The following TMEM238L variants were observed in gnomAD, a reference collection of about 807,000 sequenced individuals.
TMEM238L encodes transmembrane protein 238 like.
chr17:10,800,358 G>A (rs1904700611), intron 1 of TMEM238L, among the ~76,000 whole-genome samples: 1 of 152,194 alleles, frequency 6.6e-6, no homozygotes, highest in Non-Finnish European at 1.5e-5. Flanking sequence ...ACACGAATCT[G>A]TCACTCTGGG....
At chr17:10,800,017 C>T (rs1465445149) in intron 1 of TMEM238L, among the ~76,000 whole-genome samples, 1 of 151,848 alleles carries the variant, frequency 6.6e-6, no homozygotes, top group Non-Finnish European at 1.5e-5. Context: ...CTGCAAGCTC[C>T]GCCTCCCGGG....
intron 1 of TMEM238L, among the ~76,000 whole-genome samples, chr17:10,797,572 G>C (rs76755975): frequency 6.6e-6 from 1 of 151,864 alleles, no homozygotes; most frequent in East Asian, 1.9e-4. Context: ...AGTTCTGCTC[G>C]TATACGATTT....
chr17:10,797,788 G>A (rs1191305078), intron 1 of TMEM238L: 1 of 152,138 alleles, frequency 6.6e-6, no homozygotes, highest in Non-Finnish European at 1.5e-5. Context: ...CATCATTTCA[G>A]CTTGAACCCT....
intron 1 of TMEM238L, among the ~76,000 whole-genome samples, chr17:10,799,858 G>A (rs1904678592): frequency 6.6e-6 from 1 of 152,034 alleles, no homozygotes; most frequent in Admixed American, 6.5e-5. Flanking sequence ...CCCTCACTCT[G>A]CCCCTCACCC....
intron 1 of TMEM238L, among the ~76,000 whole-genome samples, chr17:10,800,045 C>T (rs1904688289): frequency 1.3e-5 from 2 of 152,072 alleles, no homozygotes; most frequent in Admixed American, 1.3e-4. Context: ...CATTCTCCTG[C>T]CTCAGCCTCC....
chr17:10,795,582 T>C (rs181499789), exon 2 of TMEM238L: 9 of 152,386 alleles, frequency 5.9e-5, no homozygotes, highest in Admixed American at 3.3e-4. Flanking sequence ...ATTAGGACTT[T>C]GGTGCTTGTG....
rs1308627566 is a variant in TMEM238L at position 10,799,239 on chromosome 17, C to T, written c.*119-3291G>A. ...GGGGGATGGAGTCTTGCTCTGCCGCCCAGGCTGGAGTGCAGTGGCACGATC... is the reference window on the plus strand; with the variant it reads ...GGGGGATGGAGTCTTGCTCTGCCGCTCAGGCTGGAGTGCAGTGGCACGATC... On this transcript the variant is annotated intron_variant, in intron 1 of 1. Transcript: ENST00000581851. Among the ~76,000 whole-genome samples the T allele has an allele frequency of 2.0e-5, 3 of 152,302 alleles. No individual in the cohort carries two copies. In the East Asian group the frequency reaches 5.8e-4, roughly 29 times the overall value.
intron 1 of TMEM238L, among the ~76,000 whole-genome samples, chr17:10,798,297 T>G (rs1415133191): frequency 6.6e-6 from 1 of 152,158 alleles, no homozygotes; most frequent in Non-Finnish European, 1.5e-5. Context: ...TTGGAAACTT[T>G]GTGAAGTATC....
chr17:10,798,064 T>C (rs2151521941), intron 1 of TMEM238L: 1 of 152,224 alleles, frequency 6.6e-6, no homozygotes, highest in South Asian at 2.1e-4. Context: ...GACACCCTAA[T>C]TCTTTCATTT....
chr17:10,798,733 G>T (rs1159326491), intron 1 of TMEM238L, among the ~76,000 whole-genome samples: 1 of 151,764 alleles, frequency 6.6e-6, no homozygotes, highest in Non-Finnish European at 1.5e-5. Context: ...GGGCGTGTTT[G>T]TGTGTGCATG....
chr17:10,803,907 G>C, exon 1 of TMEM238L: 1 of 399,620 alleles, frequency 2.5e-6, no homozygotes, highest in South Asian at 1.3e-4. Context: ...GGGCGAGGAT[G>C]AGGAAGAGCG....
At chr17:10,800,448 T>C (rs1165135449) in intron 1 of TMEM238L, among the ~76,000 whole-genome samples, 1 of 152,224 alleles carries the variant, frequency 6.6e-6, no homozygotes, top group African/African-American at 2.4e-5. Context: ...AAAGTTTCTT[T>C]GAACCAGGAC....
chr17:10,798,645 G>C (rs1904633381), intron 1 of TMEM238L, among the ~76,000 whole-genome samples: 1 of 151,968 alleles, frequency 6.6e-6, no homozygotes, highest in Non-Finnish European at 1.5e-5. Context: ...GTGTTTGGTA[G>C]GTGTGAGTGT....
intron 1 of TMEM238L, among the ~76,000 whole-genome samples, chr17:10,800,009 G>A (rs1349494788): frequency 1.3e-5 from 2 of 151,082 alleles, no homozygotes; most frequent in Admixed American, 6.6e-5. Context: ...TCGGCTCACT[G>A]CAAGCTCCGC....
At chr17:10,800,547 C>T (rs1331851074) in intron 1 of TMEM238L, among the ~76,000 whole-genome samples, 2 of 152,180 alleles carry the variant, frequency 1.3e-5, no homozygotes, top group East Asian at 1.9e-4. Context: ...GATCGTAATG[C>T]GTCAGGGCCT....
exon 1 of TMEM238L, chr17:10,803,757 G>T (rs1389935892): frequency 1.0e-5 from 4 of 399,592 alleles, no homozygotes; most frequent in Non-Finnish European, 1.8e-5. Flanking sequence ...ACACCTCAAT[G>T]TTGAGGGAAT....
intron 1 of TMEM238L, among the ~76,000 whole-genome samples, chr17:10,798,481 C>T (rs1904627916): frequency 6.6e-6 from 1 of 152,196 alleles, no homozygotes; most frequent in African/African-American, 2.4e-5. Flanking sequence ...CTCCACTGGC[C>T]TCCTCTGTGG....
intron 1 of TMEM238L, among the ~76,000 whole-genome samples, chr17:10,799,213 T>G (rs939799625): frequency 1.3e-5 from 2 of 152,206 alleles, no homozygotes; most frequent in Non-Finnish European, 2.9e-5. Flanking sequence ...TTTTATTTTT[T>G]GGGGGATGGA....
intron 1 of TMEM238L, among the ~76,000 whole-genome samples, chr17:10,799,056 A>C (rs1904650498): frequency 2.0e-5 from 3 of 152,136 alleles, no homozygotes; most frequent in Non-Finnish European, 4.4e-5. Context: ...TTTAGCAGCC[A>C]CCCTGCCCTC....
Sources: gnomAD v4.1 joint callset for allele counts (sites outside exome capture counted in the v4.1 genomes callset) on GRCh38, gnomAD v4.1.1 for gene constraint, MANE v1.5 for transcripts, NCBI Gene and HGNC (gene_info 2026-07-23, HGNC 2026-07-21) for gene names.